Variants in PPFIBP2 observed in about 807,000 individuals in gnomAD.
PPFIBP2 encodes the protein PPFIB scaffold protein 2.
Under a neutral mutation model 118.3 loss-of-function variants are expected in PPFIBP2, and 118 were observed. The observed-to-expected ratio is 1.00, with a 90% CI of 0.86 to 1.16. The LOEUF is 1.16. PPFIBP2 is among the 50% of genes most tolerant of loss of function. PPFIBP2 has a pLI of 0.00. For synonymous variants in PPFIBP2, 414 were observed against 397.4 expected (o/e 1.04, Z -0.50); for missense variants, 1,195 against 1,073.1 (o/e 1.11, Z -1.59).
intron 1 of PPFIBP2, among the ~76,000 whole-genome samples, chr11:7,519,478 CCGGCCATTTGG>C (rs1849539544): frequency 6.6e-6 from 1 of 152,142 alleles, no homozygotes; most frequent in Admixed American, 6.5e-5. Context: ...GTTTCATTTG[CCGGCCATTTGG>C]ACCGTTATCT....
At chr11:7,648,311 T>G in intron 17 of PPFIBP2, 76 bp from the exon 18 acceptor site, 4 of 1,464,674 alleles carry the variant, frequency 2.7e-6, no homozygotes, top group Non-Finnish European at 2.8e-6. Context: ...TCTTTTCTTT[T>G]GTTTGTGAGA....
intron 5 of PPFIBP2, among the ~76,000 whole-genome samples, chr11:7,601,602 T>G (rs1363315055): frequency 6.6e-6 from 1 of 152,152 alleles, no homozygotes; most frequent in Admixed American, 6.5e-5. Flanking sequence ...AAGCACCTAG[T>G]CAGATGTGGT....
chr11:7,530,276 G>GTT (rs1394836869), intron 1 of PPFIBP2, among the ~76,000 whole-genome samples: 1 of 149,002 alleles, frequency 6.7e-6, no homozygotes, highest in African/African-American at 2.5e-5. Context: ...AACCTGAGAG[G>GTT]TTAATGTCCA....
intron 3 of PPFIBP2, among the ~76,000 whole-genome samples, chr11:7,591,165 C>T (rs887963068): frequency 6.6e-6 from 1 of 152,074 alleles, no homozygotes; most frequent in Non-Finnish European, 1.5e-5. Flanking sequence ...TATGGGTAGA[C>T]CTTTTATTAT....
intron 3 of PPFIBP2, among the ~76,000 whole-genome samples, chr11:7,590,885 A>G (rs539590845): frequency 1.3e-5 from 2 of 152,346 alleles, no homozygotes; most frequent in South Asian, 2.1e-4. Flanking sequence ...AAATCTGTCT[A>G]TGAAAACGTG....
the PPFIBP2 span, chr11:7,666,522 T>C: frequency 5.0e-6 from 8 of 1,613,382 alleles, no homozygotes; most frequent in South Asian, 3.3e-5. Context: ...TTCTTCAAGC[T>C]CTTTTCTGAC....
chr11:7,620,799 C>T, intron 6 of PPFIBP2, 136 bp from the exon 7 acceptor site: 2 of 673,584 alleles, frequency 3.0e-6, no homozygotes, highest in Non-Finnish European at 2.7e-6. Flanking sequence ...AAACAAGGGA[C>T]GTGTTTAAAG....
chr11:7,549,733 G>C (rs528199217), intron 2 of PPFIBP2, among the ~76,000 whole-genome samples, 194 bp downstream of exon 2: 161 of 151,592 alleles, frequency 1.1e-3, no homozygotes, highest in African/African-American at 3.7e-3. Flanking sequence ...CTGATGTCTG[G>C]TGTGATCGTT....
chr11:7,565,695 G>A lies in PPFIBP2; in HGVS notation c.207G>A (p.Glu69=), dbSNP rs928641865. 6.2e-7 allele frequency: 1 copy of A among 1,614,204 alleles called. No homozygotes were observed. Among genetic ancestry groups the A allele is most frequent in the Admixed American group, 1.7e-5 (1 of 60,026 alleles). ...LALEMLELPQ[E]RAALLSQIPG... The stretch of plus-strand genomic sequence containing the variant: ...TGGAGATGCTGGAGCTTCCTCAGGA[G>A]AGAGCAGCCCTCCTGAGCCAGATCC... The change falls in exon 3 of 24, where the codon GAG becomes GAA. Residue 69 remains glutamate, a synonymous_variant. Coordinates refer to ENST00000299492, the MANE Select transcript of PPFIBP2 (RefSeq NM_003621.5).
At chr11:7,626,361 T>G (rs777116987) in intron 8 of PPFIBP2, among the ~76,000 whole-genome samples, 1 of 152,188 alleles carries the variant, frequency 6.6e-6, no homozygotes, top group Non-Finnish European at 1.5e-5. Context: ...TTCTTGAGAT[T>G]TCAAATCTTA....
chr11:7,570,038 G>A lies in PPFIBP2; in HGVS notation c.279+4271G>A, dbSNP rs551026469. Among the ~76,000 whole-genome samples, 3 of 152,304 alleles carry A rather than the reference G, an allele frequency of 2.0e-5. No homozygotes were observed. In the East Asian group the frequency reaches 5.8e-4, roughly 29 times the overall value. ...GCCCTGGCATGTGGTACCTGGCCCAGGCAAGAAGGACCCGGTACAACTGTG... is the reference window on the plus strand; with the variant it reads ...GCCCTGGCATGTGGTACCTGGCCCAAGCAAGAAGGACCCGGTACAACTGTG... On this transcript the variant is annotated intron_variant, in intron 3 of 23. Transcript: ENST00000299492.
intron 1 of PPFIBP2, among the ~76,000 whole-genome samples, chr11:7,536,747 C>T (rs1240930879): frequency 6.6e-6 from 1 of 152,080 alleles, no homozygotes; most frequent in Non-Finnish European, 1.5e-5. Context: ...ACATGTGAAC[C>T]TGGTTCCCCA....
chr11:7,552,709 TC>T (rs1474652667), intron 2 of PPFIBP2, among the ~76,000 whole-genome samples: 1 of 152,132 alleles, frequency 6.6e-6, no homozygotes, highest in African/African-American at 2.4e-5. Context: ...CCTTTATGCA[TC>T]CCTTTTACGT....
In PPFIBP2 at chr11:7,549,491, AG is replaced by A. The variant is rs1852702331; in HGVS notation, c.17del (p.Ser6IlefsTer40). MASDASHALEAALEQM... is the reference protein window; with the variant it reads MASDAXHALEAALEQM... ...AAAAGGAGTCATGGCTTCTGATGCT[AG>A]TCATGCGCTGGAAGCTGCCCTGGAG... On this transcript the variant is annotated frameshift_variant, in exon 2 of 24. Transcript: ENST00000299492. LOFTEE classifies it high-confidence loss of function. The A allele has an allele frequency of 2.6e-6, 4 of 1,562,368 alleles. No individual in the cohort carries two copies. The highest frequency in any genetic ancestry group is 3.5e-6 in the Non-Finnish European group (4 of 1,153,016).
At chr11:7,550,068 T>G (rs918549340) in intron 2 of PPFIBP2, among the ~76,000 whole-genome samples, 8 of 152,232 alleles carry the variant, frequency 5.3e-5, no homozygotes, top group Admixed American at 3.9e-4. Flanking sequence ...CATTAGCCAG[T>G]AGGGGACTTT....
chr11:7,549,376 G>A (rs7122137), intron 1 of PPFIBP2, 64 bp from the exon 2 acceptor site: 453,503 of 1,409,008 alleles, frequency 0.32, 74,648 homozygotes, highest in African/African-American at 0.43. Context: ...AGATTTTTGC[G>A]ATCTTGTGTG....
intron 3 of PPFIBP2, among the ~76,000 whole-genome samples, chr11:7,569,314 A>G (rs183220227): frequency 7.5e-4 from 115 of 152,350 alleles, no homozygotes; most frequent in Middle Eastern, 3.4e-3. Flanking sequence ...GGAGATGGGT[A>G]TAAAACAGAG....
intron 5 of PPFIBP2, chr11:7,598,232 C>G (rs913987141): frequency 3.5e-6 from 1 of 288,922 alleles, no homozygotes; most frequent in Non-Finnish European, 6.8e-6. Context: ...CTTTCCAAAT[C>G]TGTAATCACA....
chr11:7,652,384 G>A (rs1217219578), intron 23 of PPFIBP2, among the ~76,000 whole-genome samples: 1 of 152,238 alleles, frequency 6.6e-6, no homozygotes, highest in Non-Finnish European at 1.5e-5. Context: ...CTTTAGACCT[G>A]CCTGAGCCAC....
Sources: gnomAD v4.1 joint callset for allele counts (sites outside exome capture counted in the v4.1 genomes callset) on GRCh38, gnomAD v4.1.1 for gene constraint, MANE v1.5 for transcripts, NCBI Gene and HGNC (gene_info 2026-07-23, HGNC 2026-07-21) for gene names.